The following NETO1 variants were observed in gnomAD, a reference collection of about 807,000 sequenced individuals.
NETO1 encodes the protein neuropilin and tolloid like 1.
NETO1 carries 26 observed loss-of-function variants against 61.3 expected under a neutral mutation model. The ratio of observed to expected loss-of-function variants is 0.42; its 90% CI spans 0.31 to 0.59. The LOEUF is 0.59. Among genes scored for constraint, NETO1 ranks in the 20% least tolerant of loss-of-function variants. The pLI is 0.12. For synonymous variants in NETO1, 225 were observed against 225.8 expected (o/e 1.00, Z 0.03); for missense variants, 531 against 662.8 (o/e 0.80, Z 2.18).
intron 7 of NETO1, among the ~76,000 whole-genome samples, chr18:72,763,392 G>T (rs763615849): frequency 1.3e-5 from 2 of 151,982 alleles, no homozygotes; most frequent in Non-Finnish European, 2.9e-5. Context: ...CTGGACTTAG[G>T]GTCTGGCTCT....
chr18:72,763,655 C>T (rs962211396), intron 7 of NETO1, among the ~76,000 whole-genome samples: 2 of 151,886 alleles, frequency 1.3e-5, no homozygotes, highest in South Asian at 2.1e-4. Context: ...CATACACACA[C>T]CACACAGCCA....
In NETO1 at chr18:72,858,972, A is replaced by C. The variant is rs763873054; in HGVS notation, c.323T>G (p.Phe108Cys). The C allele has an allele frequency of 6.2e-7, 1 of 1,613,960 alleles. No individual in the cohort carries two copies. The highest frequency in any genetic ancestry group is 1.7e-5 in the Admixed American group (1 of 60,022). ...FDHIEVRDGPFGFSPIIGRFC... is the reference protein window; with the variant it reads ...FDHIEVRDGPCGFSPIIGRFC... ...ACGTCCAATTATTGGAGAAAAGCCA[A>C]AAGGTCCATCTCGAACTTCAATATG... The change falls in exon 4 of 11, where the codon TTT (phenylalanine) becomes TGT (cysteine). Residue 108 changes from phenylalanine (F) to cysteine (C), a missense_variant. By Grantham distance (205) the Phe-to-Cys change is radical. Transcript: ENST00000327305.
At chr18:72,810,268 C>A (rs570254612) in intron 4 of NETO1, among the ~76,000 whole-genome samples, 1 of 152,090 alleles carries the variant, frequency 6.6e-6, no homozygotes, top group Non-Finnish European at 1.5e-5. Flanking sequence ...TAGGTTTGAA[C>A]GGGCATCTGA....
At chr18:72,863,305 T>C (rs1599192955) in intron 3 of NETO1, among the ~76,000 whole-genome samples, 1 of 152,228 alleles carries the variant, frequency 6.6e-6, no homozygotes, top group Non-Finnish European at 1.5e-5. Flanking sequence ...ATGTAGAGAA[T>C]AATGCCTTCC....
intron 7 of NETO1, among the ~76,000 whole-genome samples, chr18:72,774,885 T>C (rs2062310): frequency 0.34 from 51,980 of 152,172 alleles, 9,145 homozygotes; most frequent in Admixed American, 0.47. Flanking sequence ...AAGTGCCATT[T>C]AGCTTATTAC....
At chr18:72,827,671 A>G (rs994266132) in intron 4 of NETO1, among the ~76,000 whole-genome samples, 2 of 148,118 alleles carry the variant, frequency 1.4e-5, no homozygotes, top group Non-Finnish European at 3.0e-5. Flanking sequence ...AGCTGGGATC[A>G]TGCCACTGCA....
chr18:72,749,029 T>C lies in NETO1; in HGVS notation c.1601A>G (p.Ter534TrpextTer16). 6.2e-7 allele frequency: 1 copy of C among 1,609,512 alleles called. No homozygotes were observed. Among genetic ancestry groups the C allele is most frequent in the Non-Finnish European group, 8.5e-7 (1 of 1,176,128 alleles). ...ATCTGCTTACCTTGAATTTTCTTTC[T>C]AGACCCTAGTTGTGTTGTATTCAGA... Reference protein sequence around the residue: ...HESEYNTTRV* With the variant: ...HESEYNTTRVW Residue 534 changes from the stop codon to tryptophan (W), a stop_lost, in exon 10 of 11, where the codon TAG (stop) becomes TGG (tryptophan). Coordinates refer to ENST00000327305, the MANE Select transcript of NETO1 (RefSeq NM_138966.5).
rs1448869787 is a variant in NETO1 at position 72,830,042 on chromosome 18, TG to T, written c.469+28783del. Among the ~76,000 whole-genome samples, 1 of 152,182 alleles carries T rather than the reference TG, an allele frequency of 6.6e-6. No homozygotes were observed. Among genetic ancestry groups the T allele is most frequent in the African/African-American group, 2.4e-5 (1 of 41,444 alleles). ...AATAAAGGTTCAAGATAAAGGGATT[TG>T]GGGTGGATCATAGTGTGTGTCTGTG... On this transcript the variant is annotated intron_variant, in intron 4 of 10. Transcript: ENST00000327305. The surrounding 1 kb of genome is among the most constrained non-coding windows in gnomAD (Gnocchi z 4.9).
chr18:72,867,937 AG>A lies in NETO1; in HGVS notation c.-647del, dbSNP rs1452623448. ...CGCTGAGGCATTGAAGGCAGGAAGA[AG>A]GGGTCCGTCATCGGCTCGCCGGGCT... On this transcript the variant is annotated 5_prime_UTR_variant, in exon 1 of 11. An upstream open reading frame in the 5' UTR loses its in-frame stop. Transcript: ENST00000327305. 6.6e-6 allele frequency: 1 copy of A among 150,902 alleles called. No homozygotes were observed. Among genetic ancestry groups the A allele is most frequent in the Non-Finnish European group, 1.5e-5 (1 of 67,620 alleles). The allele number at this position is 150,902 out of a possible 1,614,324, so 9.3% of individuals were successfully genotyped here. A position where few individuals can be genotyped will look rare whatever the true frequency, so the allele number is the denominator to read the frequency against.
chr18:72,762,496 A>G (rs1342586804), intron 7 of NETO1, among the ~76,000 whole-genome samples: 1 of 152,218 alleles, frequency 6.6e-6, no homozygotes, highest in African/African-American at 2.4e-5. Flanking sequence ...ATGTATAAGT[A>G]TATGTATATA....
At chr18:72,813,296 C>T (rs889712670) in intron 4 of NETO1, among the ~76,000 whole-genome samples, 8 of 152,182 alleles carry the variant, frequency 5.3e-5, no homozygotes, top group Admixed American at 2.6e-4. Context: ...AAGGGTTACA[C>T]GGATTATGCA....
intron 6 of NETO1, among the ~76,000 whole-genome samples, chr18:72,793,112 G>A (rs376664030): frequency 3.9e-5 from 6 of 152,092 alleles, no homozygotes; most frequent in African/African-American, 1.4e-4. Flanking sequence ...CTGAGAACAG[G>A]GCCTGGCCTG....
rs566991098 is a variant in NETO1, at chr18:72,787,598, C to T, written c.640-3692G>A. Among the ~76,000 whole-genome samples the T allele has an allele frequency of 3.9e-5, 6 of 152,262 alleles. No individual in the cohort carries two copies. The East Asian group carries it at 9.6e-4, about 24-fold the overall frequency. ...AAAGAAAGTTTGCGTGTTATATTGACGATAGCTTAAGACACTGCTAATGCA... is the reference window on the plus strand; with the variant it reads ...AAAGAAAGTTTGCGTGTTATATTGATGATAGCTTAAGACACTGCTAATGCA... On this transcript the variant is annotated intron_variant, in intron 6 of 10. Transcript: ENST00000327305.
Position 72,781,486 on chromosome 18 carries a change from A to G in NETO1, c.868+2192T>C, listed in dbSNP as rs9967497. 7.4e-3 allele frequency among the ~76,000 whole-genome samples: 1,128 copies of G among 152,322 alleles called. 11 individuals are homozygous for G. Among genetic ancestry groups the G allele is most frequent in the African/African-American group, 0.026 (1,061 of 41,582 alleles). On this transcript the variant is annotated intron_variant, in intron 7 of 10. Coordinates refer to ENST00000327305, the MANE Select transcript of NETO1 (RefSeq NM_138966.5). The stretch of plus-strand genomic sequence containing the variant: ...TGCACTACCTCTAACATTTTAATCA[A>G]CTACTGAACCAAATACATAACAGCA...
At chr18:72,780,245 A>T (rs1010631659) in intron 7 of NETO1, among the ~76,000 whole-genome samples, 3 of 152,186 alleles carry the variant, frequency 2.0e-5, no homozygotes, top group Non-Finnish European at 4.4e-5. Context: ...ATTTGAAGAG[A>T]GTGATTATTT....
At chr18:72,807,758 A>C (rs112230702) in intron 4 of NETO1, among the ~76,000 whole-genome samples, 1 of 15,734 alleles carries the variant, frequency 6.4e-5, no homozygotes, top group African/African-American at 6.8e-5. Context: ...ACACACACCC[A>C]TACTGTCCAA....
chr18:72,835,126 A>C (rs1240389522), intron 4 of NETO1: 4 of 1,218,208 alleles, frequency 3.3e-6, no homozygotes, highest in Non-Finnish European at 4.1e-6. Flanking sequence ...AATATGTGGC[A>C]AACTTTCTCC....
chr18:72,850,245 G>T (rs933408870), intron 4 of NETO1, among the ~76,000 whole-genome samples: 1 of 151,804 alleles, frequency 6.6e-6, no homozygotes, highest in African/African-American at 2.4e-5. Context: ...TATTTCTACA[G>T]TGTTAGCATA....
intron 7 of NETO1, among the ~76,000 whole-genome samples, chr18:72,764,552 T>C (rs1420789254): frequency 6.6e-6 from 1 of 152,020 alleles, no homozygotes; most frequent in Admixed American, 6.6e-5. Flanking sequence ...CTGTCCTCTC[T>C]CTCGGCAATT....
Sources: allele counts gnomAD v4.1 joint callset (sites outside exome capture counted in the v4.1 genomes callset), GRCh38; gene constraint gnomAD v4.1.1; non-coding constraint Gnocchi (gnomAD v3.1); transcripts MANE v1.5; gene names NCBI Gene and HGNC (gene_info 2026-07-23, HGNC 2026-07-21).